TSNARE1: variants seen among roughly 807,000 people sequenced by gnomAD.
TSNARE1 encodes t-SNARE domain containing 1, also known as t-SNARE domain-containing protein 1.
TSNARE1 carries 49 observed loss-of-function variants against 62.0 expected under a neutral mutation model. That is an observed-to-expected ratio of 0.79 (90% confidence interval 0.63 to 1.00). The LOEUF is 1.00. Ranked by LOEUF, TSNARE1 falls within the 50% of genes least tolerant of loss-of-function variation. The pLI is 0.00. For missense variants in TSNARE1, 755 were observed against 700.1 expected (o/e 1.08, Z -0.88); for synonymous variants, 328 against 294.4 (o/e 1.11, Z -1.17).
At chr8:142,292,315 G>A (rs894791297) in intron 10 of TSNARE1, among the ~76,000 whole-genome samples, 6 of 152,220 alleles carry the variant, frequency 3.9e-5, no homozygotes, top group African/African-American at 9.6e-5. Context: ...CCGTGGAAGC[G>A]AGGCGAGGGC....
At chr8:142,219,808 G>A (rs775282077) in intron 13 of TSNARE1, among the ~76,000 whole-genome samples, 40 of 152,304 alleles carry the variant, frequency 2.6e-4, no homozygotes, top group East Asian at 1.5e-3. Context: ...TCTGGCTCCC[G>A]GCCTCCCAGC....
chr8:142,373,175 G>A (rs374769466), intron 1 of TSNARE1, among the ~76,000 whole-genome samples: 1 of 152,218 alleles, frequency 6.6e-6, no homozygotes, highest in Admixed American at 6.5e-5. Context: ...CACAGGACCA[G>A]GCAGCAGGCA....
chr8:142,277,759 G>A (rs1820744485), intron 11 of TSNARE1: 3 of 985,288 alleles, frequency 3.0e-6, no homozygotes, highest in Non-Finnish European at 3.6e-6. Flanking sequence ...TGATCCACCA[G>A]GGGTCACAGA....
chr8:142,365,631 CACAGAGAGAG>C (rs1563989757), intron 1 of TSNARE1, among the ~76,000 whole-genome samples: 1 of 147,204 alleles, frequency 6.8e-6, no homozygotes, highest in African/African-American at 2.6e-5. Context: ...CACACACACA[CACAGAGAGAG>C]AGAGGGGAAC....
At chr8:142,394,166 C>T (rs1837735580) in intron 1 of TSNARE1, among the ~76,000 whole-genome samples, 1 of 152,216 alleles carries the variant, frequency 6.6e-6, no homozygotes, top group Non-Finnish European at 1.5e-5. Flanking sequence ...ATGCCTGCGG[C>T]CTCCAGTGGC....
At chr8:142,333,797 C>T (rs748570572) in intron 4 of TSNARE1, among the ~76,000 whole-genome samples, 1 of 152,248 alleles carries the variant, frequency 6.6e-6, no homozygotes, top group Non-Finnish European at 1.5e-5. Context: ...CCCGGTCCAG[C>T]AGCCGCACTC....
intron 12 of TSNARE1, among the ~76,000 whole-genome samples, chr8:142,249,869 G>A (rs565589459): frequency 4.6e-5 from 7 of 152,324 alleles, no homozygotes; most frequent in South Asian, 4.1e-4. Context: ...CAGCCAGACC[G>A]GCCCATGGTG....
intron 1 of TSNARE1, among the ~76,000 whole-genome samples, chr8:142,397,008 C>G (rs1428702462): frequency 6.6e-6 from 1 of 151,368 alleles, no homozygotes; most frequent in Non-Finnish European, 1.5e-5. Context: ...TGCCCTGGGG[C>G]TGCACTCCCT....
intron 10 of TSNARE1, among the ~76,000 whole-genome samples, chr8:142,287,678 C>T (rs1421918494): frequency 7.5e-6 from 1 of 133,972 alleles, no homozygotes; most frequent in Admixed American, 7.9e-5. Context: ...GAACCCAGGA[C>T]CCCGGCCAGA....
chr8:142,388,881 T>C (rs2131329174), intron 1 of TSNARE1, among the ~76,000 whole-genome samples: 1 of 152,238 alleles, frequency 6.6e-6, no homozygotes, highest in South Asian at 2.1e-4. Context: ...TGGCCCAAAA[T>C]TAATATTTAG....
intron 10 of TSNARE1, among the ~76,000 whole-genome samples, chr8:142,288,088 G>C (rs1823074774): frequency 6.6e-6 from 1 of 152,266 alleles, no homozygotes; most frequent in African/African-American, 2.4e-5. Flanking sequence ...TGTCCCTGGG[G>C]GGAAGCATGG....
At chr8:142,287,717 A>G (rs957567018) in intron 10 of TSNARE1, among the ~76,000 whole-genome samples, 8 of 119,932 alleles carry the variant, frequency 6.7e-5, no homozygotes, top group African/African-American at 9.7e-5. Context: ...CCAGGACCCC[A>G]GCCAGATCTC....
intron 11 of TSNARE1, chr8:142,275,434 G>A (rs1476116446): frequency 1.0e-6 from 1 of 985,340 alleles, no homozygotes; most frequent in Non-Finnish European, 1.2e-6. Context: ...CTCGGTGGCT[G>A]CAGCAGTGCC....
At chr8:142,283,454 G>T (rs985213577) in intron 11 of TSNARE1, among the ~76,000 whole-genome samples, 1 of 149,608 alleles carries the variant, frequency 6.7e-6, no homozygotes, top group African/African-American at 2.5e-5. Flanking sequence ...CAGAGGCAGG[G>T]ACAGTGTCAA....
chr8:142,280,434 C>G, intron 11 of TSNARE1: 3 of 600,762 alleles, frequency 5.0e-6, no homozygotes, highest in Non-Finnish European at 6.3e-6. Flanking sequence ...GGCCAGGCCT[C>G]GCATCGGCAC....
chr8:142,271,339 T>TTGCTGGGCCATGAGTGTGCTCTGC, intron 12 of TSNARE1: 1 of 1,170,170 alleles, frequency 8.5e-7, no homozygotes, highest in Non-Finnish European at 1.1e-6. Flanking sequence ...GCAGCAGGTT[T>TTGCTGGGCCATGAGTGTGCTCTGC]TGCTGGGCCA....
chr8:142,342,877 C>T (rs1300236355), intron 4 of TSNARE1, among the ~76,000 whole-genome samples: 4 of 151,664 alleles, frequency 2.6e-5, no homozygotes, highest in Admixed American at 1.3e-4. Flanking sequence ...GGACACCTGT[C>T]CCAGCACCTG....
chr8:142,225,478 C>T (rs1816731146), intron 13 of TSNARE1, among the ~76,000 whole-genome samples: 1 of 146,980 alleles, frequency 6.8e-6, no homozygotes, highest in Non-Finnish European at 1.5e-5. Context: ...TGTACCTTAA[C>T]TGTCCATTTC....
intron 1 of TSNARE1, among the ~76,000 whole-genome samples, chr8:142,360,952 A>G (rs1835107358): frequency 6.6e-6 from 1 of 152,068 alleles, no homozygotes; most frequent in Non-Finnish European, 1.5e-5. Flanking sequence ...GCCCCCACAC[A>G]GGCAGAGGAC....
Sources: allele counts gnomAD v4.1 joint callset (sites outside exome capture counted in the v4.1 genomes callset), GRCh38; gene constraint gnomAD v4.1.1; transcripts MANE v1.5; gene names NCBI Gene and HGNC (gene_info 2026-07-23, HGNC 2026-07-21).